The following KIZ variants were observed in gnomAD, a reference collection of about 807,000 sequenced individuals.
The protein encoded by KIZ is centrosomal protein kizuna.
In KIZ, 68 loss-of-function variants were observed where a neutral mutation model predicts 79.6. That is an observed-to-expected ratio of 0.85 (90% confidence interval 0.70 to 1.05). KIZ has a LOEUF of 1.05. KIZ is among the 50% of genes least tolerant of loss of function. KIZ has a pLI of 0.00. For missense variants in KIZ, 797 were observed against 800.4 expected, an observed-to-expected ratio of 1.00 and a Z score of 0.05; for synonymous variants, 280 against 281.8, an observed-to-expected ratio of 0.99 and a Z score of 0.06.
intron 6 of KIZ, among the ~76,000 whole-genome samples, 160 bp downstream of exon 6, chr20:21,163,319 G>A (rs573080954): frequency 1.7e-4 from 26 of 152,002 alleles, no homozygotes; most frequent in African/African-American, 5.3e-4. Flanking sequence ...TTTTCTTTCT[G>A]TCCTTCTTTC....
chr20:21,144,406 T>G (rs980563374), intron 3 of KIZ, among the ~76,000 whole-genome samples: 3 of 152,202 alleles, frequency 2.0e-5, no homozygotes, highest in African/African-American at 7.2e-5. Context: ...GGGGCTAAAA[T>G]GTAAACATCT....
chr20:21,198,047 C>T (rs1012585170), intron 6 of KIZ: 1 of 152,136 alleles, frequency 6.6e-6, no homozygotes, highest in Non-Finnish European at 1.5e-5. Flanking sequence ...TTGCAATCCT[C>T]TTATTAATTT....
At chr20:21,238,448 A>G (rs551175630) in intron 11 of KIZ, among the ~76,000 whole-genome samples, 1 of 151,906 alleles carries the variant, frequency 6.6e-6, no homozygotes, top group African/African-American at 2.4e-5. Context: ...GAGACTGGTA[A>G]TGACTGTGAA....
At chr20:21,152,443 A>G (rs1432924777) in intron 4 of KIZ, among the ~76,000 whole-genome samples, 1 of 152,062 alleles carries the variant, frequency 6.6e-6, no homozygotes, top group Non-Finnish European at 1.5e-5. Flanking sequence ...AATTATAGAA[A>G]ATTGGAGGTG....
chr20:21,185,171 C>G (rs944833036), intron 6 of KIZ, among the ~76,000 whole-genome samples: 3 of 152,146 alleles, frequency 2.0e-5, no homozygotes, highest in African/African-American at 7.2e-5. Flanking sequence ...AGAATATTAC[C>G]TTAACCTACA....
chr20:21,132,944 G>A (rs1306146268), intron 2 of KIZ: 2 of 152,118 alleles, frequency 1.3e-5, no homozygotes, highest in Non-Finnish European at 2.9e-5. Flanking sequence ...TATATTGTAC[G>A]CATTATCCTT....
Position 21,207,501 on chromosome 20 carries a change from C to G in KIZ, c.1446+1917C>G, listed in dbSNP as rs187896704. On this transcript the variant is annotated intron_variant, in intron 7 of 12. Coordinates refer to ENST00000619189, the MANE Select transcript of KIZ (RefSeq NM_018474.6). ...CTTCCCTCTCCTTCTTTCCTCCCCCCACTTCACCCACCTTCTCTCTCTTCT... is the reference window on the plus strand; with the variant it reads ...CTTCCCTCTCCTTCTTTCCTCCCCCGACTTCACCCACCTTCTCTCTCTTCT... Among the ~76,000 whole-genome samples, 869 of 132,456 alleles carry G rather than the reference C, an allele frequency of 6.6e-3. 9 individuals are homozygous for G. Among genetic ancestry groups the G allele is most frequent in the Middle Eastern group, 0.013 (3 of 240 alleles). The allele number at this position is 132,456 out of a possible 152,430, so 86.9% of individuals were successfully genotyped here.
At chr20:21,133,457 G>A (rs766917162) in intron 2 of KIZ, among the ~76,000 whole-genome samples, 8 of 152,220 alleles carry the variant, frequency 5.3e-5, no homozygotes, top group African/African-American at 1.4e-4. Context: ...GTGTGTAGAC[G>A]TTTCATGCAG....
chr20:21,162,280 C>G lies in KIZ; in HGVS notation c.815C>G (p.Ala272Gly). 3 of 1,613,838 alleles carry G rather than the reference C, an allele frequency of 1.9e-6. No individual in the cohort carries two copies. The South Asian group carries it at 3.3e-5, about 18-fold the overall frequency. ...AATTTATCTGAAGGCAAAAAGTCTG[C>G]TGAACTCAATTCCCCGTTACGGGAA... is the stretch of plus-strand genomic sequence containing the variant. Reference protein sequence around the residue: ...KSNLSEGKKSAELNSPLRERL... With the variant: ...KSNLSEGKKSGELNSPLRERL... The change falls in exon 5 of 13, where the codon GCT (alanine) becomes GGT (glycine). Residue 272 changes from alanine (A) to glycine (G), a missense_variant. Coordinates refer to ENST00000619189, the MANE Select transcript of KIZ (RefSeq NM_018474.6).
intron 6 of KIZ, chr20:21,196,206 A>G (rs1333140110): frequency 2.0e-5 from 3 of 152,054 alleles, no homozygotes; most frequent in Non-Finnish European, 4.4e-5. Flanking sequence ...ACCAACAGCA[A>G]CCCCTACCCA....
rs762179625 is a variant in KIZ, at chr20:21,205,477, T to C, written c.1353-14T>C. ...TTACAAATCTATAGTGAGTGTCCTG[T>C]TTCTGTTTTATAGACCTGGACAAAC... is the stretch of plus-strand genomic sequence containing the variant. On this transcript the variant is annotated splice_polypyrimidine_tract_variant and intron_variant, in intron 6 of 12. Transcript: ENST00000619189. 1.6e-6 allele frequency: 2 copies of C among 1,220,810 alleles called. No individual in the cohort carries two copies. The highest frequency in any genetic ancestry group is 2.4e-6 in the Non-Finnish European group (2 of 849,366). 75.6% of individuals were successfully genotyped at this position (1,220,810 alleles called of 1,614,324 possible). A position where few individuals can be genotyped will look rare whatever the true frequency, so the allele number is the denominator to read the frequency against.
chr20:21,150,588 A>C (rs781615092), intron 4 of KIZ, among the ~76,000 whole-genome samples: 3 of 152,222 alleles, frequency 2.0e-5, no homozygotes, highest in Non-Finnish European at 4.4e-5. Context: ...TTTTATATTA[A>C]CTGATTTCTT....
chr20:21,210,381 GT>G (rs879808535), intron 7 of KIZ, among the ~76,000 whole-genome samples: 44 of 148,296 alleles, frequency 3.0e-4, no homozygotes, highest in Admixed American at 7.4e-4. Flanking sequence ...ACATAACCTT[GT>G]TTTTTTTTTA....
At chr20:21,150,573 G>T (rs2033070295) in intron 4 of KIZ, among the ~76,000 whole-genome samples, 1 of 152,166 alleles carries the variant, frequency 6.6e-6, no homozygotes, top group Non-Finnish European at 1.5e-5. Context: ...TGTTCAGCTG[G>T]ACCTTTTTAT....
chr20:21,234,409 A>G (rs569121179), intron 11 of KIZ, among the ~76,000 whole-genome samples: 12 of 151,318 alleles, frequency 7.9e-5, no homozygotes, highest in Non-Finnish European at 1.8e-4. Context: ...GGCACTTGAT[A>G]ATAATCCAGT....
At chr20:21,141,798 A>AACACACACAC (rs373681499) in intron 3 of KIZ, among the ~76,000 whole-genome samples, 1 of 133,274 alleles carries the variant, frequency 7.5e-6, no homozygotes, top group African/African-American at 2.7e-5. Context: ...TACTCCTCCC[A>AACACACACAC]ACACACACAC....
intron 4 of KIZ, 78 bp downstream of exon 4, chr20:21,145,732 A>C: frequency 1.7e-6 from 1 of 577,178 alleles, no homozygotes; most frequent in Non-Finnish European, 3.0e-6. Context: ...TGTTTTAAAT[A>C]AAATCATCTT....
At chr20:21,230,373 G>A (rs891571895) in intron 10 of KIZ, among the ~76,000 whole-genome samples, 1 of 152,196 alleles carries the variant, frequency 6.6e-6, no homozygotes, top group African/African-American at 2.4e-5. Flanking sequence ...TATTTAAGAG[G>A]CTAAGGTGGG....
chr20:21,170,128 G>C (rs976311640), intron 6 of KIZ, among the ~76,000 whole-genome samples: 1 of 151,850 alleles, frequency 6.6e-6, no homozygotes, highest in African/African-American at 2.4e-5. Flanking sequence ...TTTTGGTATG[G>C]GGTTATTTAG....
Sources: allele counts gnomAD v4.1 joint callset (sites outside exome capture counted in the v4.1 genomes callset), GRCh38; gene constraint gnomAD v4.1.1; transcripts MANE v1.5; gene names NCBI Gene and HGNC (gene_info 2026-07-23, HGNC 2026-07-21).